The following CBR4 variants were observed in gnomAD, a reference collection of about 807,000 sequenced individuals.
CBR4 encodes carbonyl reductase 4, also known as 3-oxoacyl-[acyl-carrier-protein] reductase.
Under a neutral mutation model 21.0 loss-of-function variants are expected in CBR4, and 22 were observed. The ratio of observed to expected loss-of-function variants is 1.05; its 90% CI spans 0.75 to 1.50. The LOEUF is 1.50. Among genes scored for constraint, CBR4 ranks in the 40% most tolerant of loss-of-function variants. The pLI is 0.00. For synonymous variants in CBR4, 100 were observed against 104.4 expected (o/e 0.96, Z 0.26); for missense variants, 302 against 286.3 (o/e 1.05, Z -0.40).
intron 4 of CBR4, among the ~76,000 whole-genome samples, chr4:168,996,101 C>T (rs972143443): frequency 9.9e-5 from 15 of 152,266 alleles, no homozygotes; most frequent in African/African-American, 3.4e-4. Flanking sequence ...CAATCTCTCC[C>T]CAGACCTATG....
In CBR4 at chr4:168,921,828, G is replaced by A. The variant is rs1348081379; in HGVS notation, n.170-27063C>T. The A allele has an allele frequency of 3.3e-5, 33 of 1,001,680 alleles. No homozygotes were observed. The East Asian group carries it at 3.4e-4, about 10-fold the overall frequency. The allele number at this position is 1,001,680 out of a possible 1,614,324, so 62.0% of individuals were successfully genotyped here. A position where few individuals can be genotyped will look rare whatever the true frequency, so the allele number is the denominator to read the frequency against. ...CTAATTCTACATTACTAACCAATAC[G>A]GAAAATAAAGTATTGAAAAAATAGA... is the stretch of plus-strand genomic sequence containing the variant. On this transcript the variant is annotated intron_variant and non_coding_transcript_variant, in intron 2 of 3. Transcript: ENST00000509108.
At chr4:168,961,630 C>CTG (rs199971259) in intron 2 of CBR4, among the ~76,000 whole-genome samples, 4,182 of 152,250 alleles carry the variant, frequency 0.027, 77 homozygotes, top group Middle Eastern at 0.054. Flanking sequence ...TGGCTCATGC[C>CTG]TGTAATCCCA....
intron 1 of CBR4, among the ~76,000 whole-genome samples, 195 bp from the exon 2 acceptor site, chr4:169,007,951 A>C (rs184834171): frequency 2.1e-4 from 32 of 152,362 alleles, no homozygotes; most frequent in Non-Finnish European, 8.8e-5. Flanking sequence ...AAGAGGAAAT[A>C]AAGTACTACT....
chr4:168,927,125 A>ACAGTT (rs1259424864), intron 2 of CBR4: 3 of 227,024 alleles, frequency 1.3e-5, no homozygotes, highest in African/African-American at 6.7e-5. Flanking sequence ...GAAATATATT[A>ACAGTT]CAGTTCATTC....
chr4:168,949,280 T>C (rs996098355), intron 2 of CBR4, among the ~76,000 whole-genome samples: 1 of 152,136 alleles, frequency 6.6e-6, no homozygotes, highest in Admixed American at 6.6e-5. Flanking sequence ...GTCTTCAGGG[T>C]TTTCGAGGTA....
chr4:168,991,069 A>G (rs1271533532), intron 4 of CBR4, among the ~76,000 whole-genome samples: 6 of 152,130 alleles, frequency 3.9e-5, no homozygotes, highest in Non-Finnish European at 8.8e-5. Context: ...AAAGCAAAAC[A>G]AAACAAAATA....
chr4:168,903,969 C>T (rs1386624979), intron 2 of CBR4: 1 of 1,418,860 alleles, frequency 7.0e-7, no homozygotes, highest in Non-Finnish European at 1.0e-6. Flanking sequence ...TTTGATTAGA[C>T]AAAGGAACTA....
In CBR4 at chr4:169,005,176, G is replaced by A. The variant is rs1730800642; in HGVS notation, c.400+1579C>T. On this transcript the variant is annotated intron_variant, in intron 3 of 4. Coordinates refer to ENST00000306193, the MANE Select transcript of CBR4 (RefSeq NM_032783.5). ...CTGAAGAAATGCATATGGATAGAGG[G>A]GTGTTTATCAGAAAGAAAAATACAG... 3 of 151,958 alleles carry A rather than the reference G, an allele frequency of 2.0e-5. No individual in the cohort carries two copies. The South Asian group carries it at 6.2e-4, about 32-fold the overall frequency. The allele number at this position is 151,958 out of a possible 1,614,324, so 9.4% of individuals were successfully genotyped here.
At chr4:168,999,877 AATT>A (rs1241222433) in intron 4 of CBR4, among the ~76,000 whole-genome samples, 1 of 152,170 alleles carries the variant, frequency 6.6e-6, no homozygotes. Context: ...ATGACACTGC[AATT>A]ATTTGTTTAC....
rs777552317 is a variant in CBR4, at chr4:168,968,764, A to G, written n.169+33307T>C. 3.7e-4 allele frequency among the ~76,000 whole-genome samples: 57 copies of G among 152,222 alleles called. 1 individual carries two copies. The highest frequency in any genetic ancestry group is 1.0e-4 in the Non-Finnish European group (7 of 68,028). On this transcript the variant is annotated intron_variant and non_coding_transcript_variant, in intron 2 of 3. Coordinates refer to the CBR4 transcript ENST00000509108. The stretch of plus-strand genomic sequence containing the variant: ...CATTAAGTCACTGAGACTGACATTA[A>G]TCTCTGCCATTCTACCAGGATATAG...
At chr4:169,003,413 G>A (rs1250156039) in intron 3 of CBR4, among the ~76,000 whole-genome samples, 1 of 152,182 alleles carries the variant, frequency 6.6e-6, no homozygotes, top group Non-Finnish European at 1.5e-5. Flanking sequence ...AAATGGGTGA[G>A]GAGTTGCTTC....
Position 168,953,330 on chromosome 4 carries a change from T to G in CBR4, n.169+48741A>C, listed in dbSNP as rs192397658. Among the ~76,000 whole-genome samples the G allele has an allele frequency of 1.1e-4, 16 of 152,296 alleles. No individual in the cohort carries two copies. In the East Asian group the frequency reaches 3.1e-3, roughly 29 times the overall value. On this transcript the variant is annotated intron_variant and non_coding_transcript_variant, in intron 2 of 3. Coordinates refer to the CBR4 transcript ENST00000509108. ...ACAGTGGGCAAGCAGGGTTGTGTCC[T>G]CAGTATTTCTATTTCCTACAAATTG...
chr4:168,913,112 G>C (rs1161400177), intron 2 of CBR4, among the ~76,000 whole-genome samples: 1 of 149,266 alleles, frequency 6.7e-6, no homozygotes, highest in Non-Finnish European at 1.5e-5. Context: ...TTTAATGTAT[G>C]GTTTGGGGAA....
intron 2 of CBR4, among the ~76,000 whole-genome samples, chr4:168,905,252 A>G (rs1288530447): frequency 1.5e-3 from 209 of 136,934 alleles, no homozygotes; most frequent in Non-Finnish European, 2.2e-3. Context: ...CTGCGTTCAC[A>G]CCATTCTCCT....
At chr4:168,939,226 G>A (rs1763194255) in intron 2 of CBR4, among the ~76,000 whole-genome samples, 1 of 152,080 alleles carries the variant, frequency 6.6e-6, no homozygotes, top group South Asian at 2.1e-4. Flanking sequence ...ATGCAGAAAA[G>A]GCCTCTGACA....
chr4:168,994,585 G>T (rs913025410), intron 4 of CBR4, among the ~76,000 whole-genome samples: 1 of 151,840 alleles, frequency 6.6e-6, no homozygotes, highest in African/African-American at 2.4e-5. Context: ...TTTCTTTTTT[G>T]CTTTTTTTCT....
rs139482274 is a variant in CBR4, at chr4:168,937,636, C to CA, written n.170-42872dup. Among the ~76,000 whole-genome samples, 440 of 138,826 alleles carry CA rather than the reference C, an allele frequency of 3.2e-3. 2 individuals carry two copies. The East Asian group carries it at 0.036, about 11-fold the overall frequency. 91.1% of individuals were successfully genotyped at this position (138,826 alleles called of 152,430 possible). ...ATATTTACCAAGCAAATAAAAAAAG[C>CA]AAAAAAAAAAAAAAGTGGTTGCAAT... On this transcript the variant is annotated intron_variant and non_coding_transcript_variant, in intron 2 of 3. Transcript: ENST00000509108.
At chr4:168,967,011 T>C (rs1764060550) in intron 2 of CBR4, among the ~76,000 whole-genome samples, 1 of 39,250 alleles carries the variant, frequency 2.5e-5, no homozygotes, top group South Asian at 1.6e-3. Context: ...CAAAACTCCA[T>C]CTAAAAAAAA....
At position 168,906,674 on chromosome 4, in the gene CBR4, G is replaced by A. The variant is rs554128477; in HGVS notation, n.170-11909C>T. Among the ~76,000 whole-genome samples, 6 of 152,216 alleles carry A rather than the reference G, an allele frequency of 3.9e-5. No individual in the cohort carries two copies. In the South Asian group the frequency reaches 1.2e-3, roughly 32 times the overall value. On this transcript the variant is annotated intron_variant and non_coding_transcript_variant, in intron 2 of 3. Coordinates refer to the CBR4 transcript ENST00000509108. ...AGGTCTTCCTCAGTCACCCAGGCTG[G>A]AGTACAGTGGCATAATCATGGCTCA...
Sources: gnomAD v4.1 joint callset for allele counts (sites outside exome capture counted in the v4.1 genomes callset) on GRCh38, gnomAD v4.1.1 for gene constraint, MANE v1.5 for transcripts, NCBI Gene and HGNC (gene_info 2026-07-23, HGNC 2026-07-21) for gene names.